Variants in CNTNAP2 observed in about 807,000 individuals in gnomAD.
CNTNAP2 encodes the protein contactin-associated protein-like 2.
In CNTNAP2, 98 loss-of-function variants were observed where a neutral mutation model predicts 155.2. The observed-to-expected ratio is 0.63, with a 90% CI of 0.54 to 0.75. The LOEUF (loss-of-function observed/expected upper bound fraction) is 0.75, where lower values mean the gene tolerates loss of function less well. Ranked by LOEUF, CNTNAP2 falls within the 30% of genes least tolerant of loss-of-function variation. CNTNAP2 has a pLI of 0.00. For missense variants in CNTNAP2, 1,727 were observed against 1,688.1 expected (o/e 1.02, Z -0.40); for synonymous variants, 651 against 631.2 (o/e 1.03, Z -0.47).
intron 10 of CNTNAP2, among the ~76,000 whole-genome samples, chr7:147,442,644 C>T (rs909212206): frequency 3.9e-5 from 6 of 152,158 alleles, no homozygotes; most frequent in African/African-American, 1.2e-4. Context: ...GTGTGAATCT[C>T]ACCCAAGGCC....
At chr7:146,361,574 T>C (rs1390684982) in intron 1 of CNTNAP2, among the ~76,000 whole-genome samples, 1 of 152,098 alleles carries the variant, frequency 6.6e-6, no homozygotes, top group East Asian at 1.9e-4. Context: ...CCAGAGGAGG[T>C]AAATTGCTAA....
Position 146,133,935 on chromosome 7 carries a change from T to G in CNTNAP2, c.97+16962T>G, listed in dbSNP as rs981682205. ...TCCATATGAACTTTAAAGTAGTTTT[T>G]TCCAATTCTGTGAAGAAAGGCATTG... On this transcript the variant is annotated intron_variant, in intron 1 of 23. Coordinates refer to ENST00000361727, the MANE Select transcript of CNTNAP2 (RefSeq NM_014141.6). Among the ~76,000 whole-genome samples, 14 of 151,676 alleles carry G rather than the reference T, an allele frequency of 9.2e-5. No individual in the cohort carries two copies. In the South Asian group the frequency reaches 1.7e-3, roughly 18 times the overall value.
chr7:146,748,692 C>T (rs921969275), intron 1 of CNTNAP2, among the ~76,000 whole-genome samples: 2 of 152,124 alleles, frequency 1.3e-5, no homozygotes, highest in Admixed American at 6.6e-5. Flanking sequence ...ATGATGGAAA[C>T]ATTTTTAATG....
chr7:147,827,588 G>A (rs914545616), intron 13 of CNTNAP2, among the ~76,000 whole-genome samples: 4 of 152,284 alleles, frequency 2.6e-5, no homozygotes, highest in South Asian at 2.1e-4. Flanking sequence ...AAAGAGATTT[G>A]TAAAATGATT....
chr7:146,997,875 C>G (rs1798341817), intron 3 of CNTNAP2, among the ~76,000 whole-genome samples: 1 of 151,880 alleles, frequency 6.6e-6, no homozygotes, highest in African/African-American at 2.4e-5. Context: ...TTTTGTATAC[C>G]TATGGCATTG....
chr7:147,494,630 A>AGTGTATG (rs1323957266), intron 11 of CNTNAP2, among the ~76,000 whole-genome samples: 1 of 152,206 alleles, frequency 6.6e-6, no homozygotes, highest in African/African-American at 2.4e-5. Flanking sequence ...TTTGAATCCC[A>AGTGTATG]GTGTATGTTT....
intron 13 of CNTNAP2, among the ~76,000 whole-genome samples, chr7:147,647,631 G>T (rs1419879550): frequency 6.6e-6 from 1 of 151,990 alleles, no homozygotes; most frequent in Non-Finnish European, 1.5e-5. Flanking sequence ...AATAACACAA[G>T]GTCTTTGAGG....
intron 15 of CNTNAP2, among the ~76,000 whole-genome samples, chr7:148,039,185 G>A (rs1049064083): frequency 2.6e-5 from 4 of 152,202 alleles, no homozygotes; most frequent in African/African-American, 9.7e-5. Flanking sequence ...GTAACTCTTA[G>A]TCTGAGGCTG....
intron 1 of CNTNAP2, among the ~76,000 whole-genome samples, chr7:146,645,029 A>T (rs894546650): frequency 1.2e-4 from 18 of 152,202 alleles, no homozygotes; most frequent in African/African-American, 3.6e-4. Context: ...ACACAACCAA[A>T]AAAGAGAATT....
At chr7:146,739,215 G>A (rs904315459) in intron 1 of CNTNAP2, among the ~76,000 whole-genome samples, 3 of 151,712 alleles carry the variant, frequency 2.0e-5, no homozygotes, top group Non-Finnish European at 4.4e-5. Flanking sequence ...GTTTCTTGAG[G>A]TGCAATGTTA....
intron 13 of CNTNAP2, among the ~76,000 whole-genome samples, chr7:147,863,841 G>A (rs1418852119): frequency 6.6e-6 from 1 of 151,594 alleles, no homozygotes; most frequent in Non-Finnish European, 1.5e-5. Flanking sequence ...TTTGTCAGAT[G>A]GGTAGATTGC....
intron 1 of CNTNAP2, among the ~76,000 whole-genome samples, chr7:146,184,180 G>A (rs918001035): frequency 6.6e-6 from 1 of 152,140 alleles, no homozygotes; most frequent in Admixed American, 6.6e-5. Flanking sequence ...AGGAACTTAG[G>A]TGCTGTACTG....
In CNTNAP2 at chr7:147,763,439, G is replaced by A. The variant is rs545001583; in HGVS notation, c.2098+124133G>A. Among the ~76,000 whole-genome samples the A allele has an allele frequency of 1.1e-3, 168 of 149,072 alleles. 1 individual carries two copies. Among genetic ancestry groups the A allele is most frequent in the African/African-American group, 3.9e-3 (155 of 40,238 alleles). On this transcript the variant is annotated intron_variant, in intron 13 of 23. Transcript: ENST00000361727. Reference sequence around the variant, plus strand: ...TTTTTCTTTTTTTTTTTTTGGAGACGGAAGTGGCAGTAGGAATTAGAAGAG... The same window carrying A: ...TTTTTCTTTTTTTTTTTTTGGAGACAGAAGTGGCAGTAGGAATTAGAAGAG...
intron 8 of CNTNAP2, among the ~76,000 whole-genome samples, chr7:147,240,104 G>A (rs111523377): frequency 1.2e-4 from 19 of 152,014 alleles, no homozygotes; most frequent in African/African-American, 4.1e-4. Context: ...CATAGAACGA[G>A]GACAACCATA....
intron 1 of CNTNAP2, among the ~76,000 whole-genome samples, chr7:146,179,047 A>G (rs1292449797): frequency 1.3e-5 from 2 of 152,200 alleles, no homozygotes; most frequent in Admixed American, 1.3e-4. Context: ...GAAATAAACC[A>G]GGTCATGTGT....
intron 13 of CNTNAP2, among the ~76,000 whole-genome samples, chr7:147,729,831 A>G (rs1008325074): frequency 5.3e-5 from 8 of 152,114 alleles, no homozygotes; most frequent in Non-Finnish European, 1.0e-4. Flanking sequence ...TGGCACCATT[A>G]TAGAACATGA....
chr7:146,925,403 AAATC>A (rs1463542189), intron 3 of CNTNAP2, among the ~76,000 whole-genome samples: 5 of 152,172 alleles, frequency 3.3e-5, no homozygotes, highest in Admixed American at 6.6e-5. Flanking sequence ...AATGTAGTGG[AAATC>A]AATGTTGGAC....
At chr7:148,234,727 A>G (rs1796017715) in intron 20 of CNTNAP2, among the ~76,000 whole-genome samples, 1 of 152,266 alleles carries the variant, frequency 6.6e-6, no homozygotes, top group Non-Finnish European at 1.5e-5. Flanking sequence ...CAGCTTTCTG[A>G]AATTTTGAAC....
intron 3 of CNTNAP2, among the ~76,000 whole-genome samples, chr7:146,905,101 AAC>A (rs1448830679): frequency 4.6e-5 from 7 of 152,194 alleles, no homozygotes; most frequent in Admixed American, 3.3e-4. Context: ...CCATAGGCCT[AAC>A]AGGTGCCAGA....
Sources: allele counts gnomAD v4.1 joint callset (sites outside exome capture counted in the v4.1 genomes callset), GRCh38; gene constraint gnomAD v4.1.1; transcripts MANE v1.5; gene names NCBI Gene and HGNC (gene_info 2026-07-23, HGNC 2026-07-21).